NAALADL2: variants seen among roughly 807,000 people sequenced by gnomAD.
NAALADL2 encodes the protein N-acetylated alpha-linked acidic dipeptidase like 2, also known as inactive N-acetylated-alpha-linked acidic dipeptidase-like protein 2.
In NAALADL2, 76 loss-of-function variants were observed where a neutral mutation model predicts 87.2. The observed-to-expected ratio is 0.87, with a 90% confidence interval of 0.72 to 1.05. The LOEUF is 1.05. Among genes scored for constraint, NAALADL2 ranks in the 50% least tolerant of loss-of-function variants. NAALADL2 has a pLI of 0.00. For missense variants in NAALADL2, 1,089 were observed against 945.8 expected, an observed-to-expected ratio of 1.15 and a Z score of -1.99; for synonymous variants, 354 against 331.0, an observed-to-expected ratio of 1.07 and a Z score of -0.75.
At chr3:174,498,678 C>T (rs1445103848) in intron 1 of NAALADL2, among the ~76,000 whole-genome samples, 6 of 151,156 alleles carry the variant, frequency 4.0e-5, no homozygotes, top group Non-Finnish European at 1.5e-5. Flanking sequence ...AAACTATTTT[C>T]CAAAGTGGAT....
intron 1 of NAALADL2, among the ~76,000 whole-genome samples, chr3:174,487,911 A>C (rs1419973534): frequency 6.6e-6 from 1 of 152,026 alleles, no homozygotes; most frequent in Non-Finnish European, 1.5e-5. Context: ...GTTTTGCAGT[A>C]GTCACCAGGA....
At chr3:175,665,105 CCAGA>C (rs139353836) in intron 11 of NAALADL2, among the ~76,000 whole-genome samples, 3,662 of 152,170 alleles carry the variant, frequency 0.024, 141 homozygotes, top group African/African-American at 0.084. Context: ...TCACACCTGC[CCAGA>C]CAGACACAAC....
intron 9 of NAALADL2, among the ~76,000 whole-genome samples, chr3:175,537,354 T>C (rs1734958928): frequency 6.6e-6 from 1 of 152,170 alleles, no homozygotes; most frequent in Non-Finnish European, 1.5e-5. Context: ...ACTGTAAAAT[T>C]AGAGATTTTG....
chr3:175,054,092 C>T (rs189241177), intron 1 of NAALADL2, among the ~76,000 whole-genome samples: 4 of 152,288 alleles, frequency 2.6e-5, no homozygotes, highest in Middle Eastern at 3.4e-3. Flanking sequence ...GAATGAACCA[C>T]GTATGAAGAA....
intron 11 of NAALADL2, among the ~76,000 whole-genome samples, chr3:175,705,313 T>A (rs1739528971): frequency 1.3e-5 from 2 of 152,128 alleles, no homozygotes; most frequent in Admixed American, 1.3e-4. Context: ...CTAAAACCCA[T>A]CGTGCTTGCT....
chr3:175,447,259 T>C lies in NAALADL2; in HGVS notation c.1121T>C (p.Leu374Pro). 6.2e-7 allele frequency: 1 copy of C among 1,602,470 alleles called. No homozygotes were observed. The highest frequency in any genetic ancestry group is 1.7e-5 in the Admixed American group (1 of 57,472). The change falls in exon 6 of 14, where the codon CTC becomes CCC. Residue 374 changes from leucine (L) to proline (P), a missense_variant. Transcript: ENST00000454872. ...AGTTTTAGACAAAGCCGATCAAACC[T>C]CACCTCTCTATTAGTGCAGCCCATC... ...DESFRQSRSN[L>P]TSLLVQPISA...
chr3:175,080,879 A>C (rs1717666914), intron 1 of NAALADL2, among the ~76,000 whole-genome samples: 1 of 152,182 alleles, frequency 6.6e-6, no homozygotes, highest in African/African-American at 2.4e-5. Context: ...TAAAGAGAAA[A>C]ATATAAGATT....
intron 1 of NAALADL2, among the ~76,000 whole-genome samples, chr3:174,919,797 T>A (rs1219567241): frequency 6.6e-6 from 1 of 152,202 alleles, no homozygotes; most frequent in Non-Finnish European, 1.5e-5. Flanking sequence ...AGCTACAGCT[T>A]TATGAAATGT....
chr3:174,512,117 T>A (rs970191166), intron 1 of NAALADL2, among the ~76,000 whole-genome samples: 12 of 152,206 alleles, frequency 7.9e-5, no homozygotes, highest in Non-Finnish European at 1.8e-4. Context: ...TAATTTTACA[T>A]CTACCTTAAG....
chr3:175,400,222 A>G (rs1003344845), intron 5 of NAALADL2, among the ~76,000 whole-genome samples: 1 of 152,110 alleles, frequency 6.6e-6, no homozygotes, highest in Admixed American at 6.6e-5. Flanking sequence ...TCATGCTAGG[A>G]TAATTTGTCC....
intron 10 of NAALADL2, among the ~76,000 whole-genome samples, chr3:175,591,135 G>GTGGA (rs1354314201): frequency 6.6e-5 from 10 of 152,284 alleles, no homozygotes; most frequent in African/African-American, 2.4e-4. Flanking sequence ...GTATAGGTGG[G>GTGGA]TGGATGGGGT....
At chr3:175,700,986 T>C (rs1250649900) in intron 11 of NAALADL2, among the ~76,000 whole-genome samples, 4 of 152,044 alleles carry the variant, frequency 2.6e-5, no homozygotes, top group African/African-American at 9.7e-5. Flanking sequence ...TGGAGATAAA[T>C]GAAATGGTAC....
intron 9 of NAALADL2, among the ~76,000 whole-genome samples, chr3:175,554,151 C>T (rs1714886866): frequency 1.3e-5 from 2 of 151,950 alleles, no homozygotes; most frequent in African/African-American, 2.4e-5. Context: ...ATATTGGAAC[C>T]AAGTAGTCCT....
At chr3:174,915,574 T>C (rs921826596) in intron 1 of NAALADL2, among the ~76,000 whole-genome samples, 5 of 152,114 alleles carry the variant, frequency 3.3e-5, no homozygotes, top group African/African-American at 1.2e-4. Flanking sequence ...TTTAAAAATG[T>C]TATATTCAGA....
intron 1 of NAALADL2, among the ~76,000 whole-genome samples, chr3:174,451,250 G>A (rs1715460624): frequency 6.6e-6 from 1 of 152,180 alleles, no homozygotes; most frequent in African/African-American, 2.4e-5. Flanking sequence ...TAGAGACAAT[G>A]ACAGTGATAT....
At chr3:175,408,145 C>G (rs949153225) in intron 5 of NAALADL2, among the ~76,000 whole-genome samples, 4 of 152,038 alleles carry the variant, frequency 2.6e-5, no homozygotes, top group African/African-American at 9.7e-5. Context: ...GAAGAGGGAA[C>G]ATGTTGATCA....
At chr3:174,879,732 G>T in intron 1 of NAALADL2, among the ~76,000 whole-genome samples, 1 of 151,684 alleles carries the variant, frequency 6.6e-6, no homozygotes, top group African/African-American at 2.4e-5. Flanking sequence ...ACTCTTCTTT[G>T]TAGCAAAACC....
chr3:175,698,784 A>G (rs1412385126), intron 11 of NAALADL2, among the ~76,000 whole-genome samples: 2 of 151,862 alleles, frequency 1.3e-5, no homozygotes, highest in African/African-American at 2.4e-5. Flanking sequence ...TTGTAAGCAT[A>G]GAGAATTCAG....
At chr3:174,890,990 T>C (rs533608342) in intron 1 of NAALADL2, among the ~76,000 whole-genome samples, 1 of 152,200 alleles carries the variant, frequency 6.6e-6, no homozygotes, top group African/African-American at 2.4e-5. Context: ...GGAAACTATC[T>C]CTTCTAAATA....
Sources: allele counts gnomAD v4.1 joint callset (sites outside exome capture counted in the v4.1 genomes callset), GRCh38; gene constraint gnomAD v4.1.1; transcripts MANE v1.5; gene names NCBI Gene and HGNC (gene_info 2026-07-23, HGNC 2026-07-21).